The following TMTC2 variants were observed in gnomAD, a reference collection of about 807,000 sequenced individuals.
The protein encoded by TMTC2 is protein O-mannosyl-transferase TMTC2.
TMTC2 carries 43 observed loss-of-function variants against 82.4 expected under a neutral mutation model. The ratio of observed to expected loss-of-function variants is 0.52; its 90% CI spans 0.41 to 0.67. The LOEUF (loss-of-function observed/expected upper bound fraction) is 0.67. Ranked by LOEUF, TMTC2 falls within the 30% of genes least tolerant of loss-of-function variation. The pLI is 0.00. For synonymous variants in TMTC2, 408 were observed against 381.9 expected, an observed-to-expected ratio of 1.07 and a Z score of -0.80; for missense variants, 919 against 1,012.4, an observed-to-expected ratio of 0.91 and a Z score of 1.25.
intron 1 of TMTC2, among the ~76,000 whole-genome samples, chr12:82,816,879 T>C (rs1466656479): frequency 1.3e-5 from 2 of 152,046 alleles, no homozygotes; most frequent in African/African-American, 4.8e-5. Context: ...ACTGTAGAAA[T>C]AGTTTAGGCT....
intron 1 of TMTC2, among the ~76,000 whole-genome samples, chr12:82,768,216 C>G (rs1877083978): frequency 6.6e-6 from 1 of 152,162 alleles, no homozygotes; most frequent in African/African-American, 2.4e-5. Flanking sequence ...GAATCCAGCA[C>G]AAGAGTTTGT....
At chr12:82,923,910 G>C (rs1875540454) in intron 3 of TMTC2, among the ~76,000 whole-genome samples, 1 of 152,078 alleles carries the variant, frequency 6.6e-6, no homozygotes, top group Non-Finnish European at 1.5e-5. Context: ...AAATTGACAT[G>C]ATATTAAAAA....
At chr12:82,986,243 G>A (rs1393085930) in intron 8 of TMTC2, 197 bp downstream of exon 8, 1 of 606,318 alleles carries the variant, frequency 1.6e-6, no homozygotes, top group East Asian at 3.0e-5. Flanking sequence ...TAGATAAGAT[G>A]TGAGATGTCT....
chr12:82,957,779 AAC>A (rs1877693853), intron 4 of TMTC2, among the ~76,000 whole-genome samples: 1 of 152,224 alleles, frequency 6.6e-6, no homozygotes, highest in African/African-American at 2.4e-5. Flanking sequence ...AATTCCTGGA[AAC>A]ACACAGTTTC....
intron 1 of TMTC2, among the ~76,000 whole-genome samples, chr12:82,820,463 C>T (rs1429059855): frequency 1.3e-5 from 2 of 151,746 alleles, no homozygotes; most frequent in South Asian, 4.2e-4. Flanking sequence ...CGTCCTCCAC[C>T]TCCTGGGTTC....
At chr12:83,081,720 A>AG (rs1883476337) in intron 11 of TMTC2, among the ~76,000 whole-genome samples, 1 of 152,186 alleles carries the variant, frequency 6.6e-6, no homozygotes, top group Non-Finnish European at 1.5e-5. Context: ...TTTCCTGAGA[A>AG]GGAAAAAAAT....
chr12:82,775,899 TTAGTCTC>T (rs1180096088), intron 1 of TMTC2, among the ~76,000 whole-genome samples: 1 of 152,094 alleles, frequency 6.6e-6, no homozygotes, highest in Non-Finnish European at 1.5e-5. Flanking sequence ...TTTAGTTTCT[TTAGTCTC>T]TAGTTGAGGG....
At chr12:82,890,330 T>C (rs1482512316) in intron 2 of TMTC2, among the ~76,000 whole-genome samples, 1 of 152,180 alleles carries the variant, frequency 6.6e-6, no homozygotes, top group Non-Finnish European at 1.5e-5. Flanking sequence ...GAACAAATCT[T>C]ATCTTCTGCA....
chr12:83,047,103 C>T (rs530662498), intron 9 of TMTC2, among the ~76,000 whole-genome samples: 108 of 152,270 alleles, frequency 7.1e-4, no homozygotes, highest in African/African-American at 2.6e-3. Flanking sequence ...GCTGAGAGAT[C>T]TTAGTGGCTG....
intron 8 of TMTC2, among the ~76,000 whole-genome samples, chr12:82,994,861 C>G (rs1879546131): frequency 1.3e-5 from 2 of 152,076 alleles, no homozygotes; most frequent in East Asian, 3.9e-4. Context: ...TATGTAGGTA[C>G]ATTCATTGTA....
intron 4 of TMTC2, among the ~76,000 whole-genome samples, chr12:82,937,953 C>T (rs1457684614): frequency 7.7e-6 from 1 of 130,576 alleles, no homozygotes; most frequent in Non-Finnish European, 1.6e-5. Flanking sequence ...CTTACGCTGT[C>T]GCCCAGGGTG....
At chr12:82,713,891 G>T (rs1400023680) in intron 1 of TMTC2, among the ~76,000 whole-genome samples, 1 of 152,202 alleles carries the variant, frequency 6.6e-6, no homozygotes, top group Non-Finnish European at 1.5e-5. Context: ...AGAGTTACAA[G>T]CAAATAGTAT....
At chr12:83,125,772 C>T (rs922774908) in intron 11 of TMTC2, among the ~76,000 whole-genome samples, 11 of 152,170 alleles carry the variant, frequency 7.2e-5, no homozygotes, top group Admixed American at 6.5e-4. Flanking sequence ...CCAGTTCACA[C>T]TATTTTTGCA....
chr12:82,772,705 C>G (rs12369186), intron 1 of TMTC2, among the ~76,000 whole-genome samples: 3 of 152,010 alleles, frequency 2.0e-5, no homozygotes, highest in Non-Finnish European at 4.4e-5. Flanking sequence ...TGTTCCACCC[C>G]CTGAAATAAA....
intron 1 of TMTC2, among the ~76,000 whole-genome samples, chr12:82,720,814 C>G (rs1359929628): frequency 6.6e-6 from 1 of 152,158 alleles, no homozygotes; most frequent in Admixed American, 6.6e-5. Context: ...CGTCTTTTCA[C>G]ATGTTTTCTT....
chr12:83,100,171 C>T (rs1407627349), intron 11 of TMTC2, among the ~76,000 whole-genome samples: 1 of 152,136 alleles, frequency 6.6e-6, no homozygotes, highest in African/African-American at 2.4e-5. Context: ...CCACCTGCCT[C>T]TGCTTCCCTA....
intron 4 of TMTC2, among the ~76,000 whole-genome samples, chr12:82,955,864 C>G (rs971797543): frequency 6.6e-6 from 1 of 152,026 alleles, no homozygotes; most frequent in Non-Finnish European, 1.5e-5. Context: ...TAATAATACC[C>G]ACCTACACAT....
At chr12:83,119,661 T>G (rs544072059) in intron 11 of TMTC2, among the ~76,000 whole-genome samples, 1 of 152,344 alleles carries the variant, frequency 6.6e-6, no homozygotes, top group Non-Finnish European at 1.5e-5. Context: ...TAAGTCCATT[T>G]CTTCCAGGGT....
At chr12:82,820,297 C>G (rs532005601) in intron 1 of TMTC2, among the ~76,000 whole-genome samples, 1 of 152,266 alleles carries the variant, frequency 6.6e-6, no homozygotes, top group Non-Finnish European at 1.5e-5. Context: ...ACCTTGCATC[C>G]TTCAATGCAA....
Sources: allele counts gnomAD v4.1 joint callset (sites outside exome capture counted in the v4.1 genomes callset), GRCh38; gene constraint gnomAD v4.1.1; transcripts MANE v1.5; gene names NCBI Gene and HGNC (gene_info 2026-07-23, HGNC 2026-07-21).